The following NINL variants were observed in gnomAD, a reference collection of about 807,000 sequenced individuals.
NINL encodes the protein ninein like.
A neutral mutation model predicts 160.3 loss-of-function variants in NINL; 153 were observed. The observed-to-expected ratio is 0.95, with a 90% confidence interval of 0.84 to 1.09. NINL has a LOEUF of 1.09. NINL is among the 50% of genes least tolerant of loss of function. The pLI is 0.00. For missense variants in NINL, 1,829 were observed against 1,764.0 expected (o/e 1.04, Z -0.66); for synonymous variants, 800 against 734.8 (o/e 1.09, Z -1.43).
At chr20:25,460,355 G>A (rs535760123) in intron 21 of NINL, among the ~76,000 whole-genome samples, 11 of 152,310 alleles carry the variant, frequency 7.2e-5, no homozygotes, top group African/African-American at 9.6e-5. Context: ...TCACGAGGAA[G>A]AAGGGGTGAC....
intron 22 of NINL, among the ~76,000 whole-genome samples, chr20:25,456,547 C>CAA (rs1191383116): frequency 7.4e-6 from 1 of 134,322 alleles, no homozygotes; most frequent in African/African-American, 2.8e-5. Context: ...GACTCCGTCT[C>CAA]AAAAAAAAAA....
At chr20:25,489,842 C>A in intron 12 of NINL, 33 bp downstream of exon 12, 1 of 1,601,356 alleles carries the variant, frequency 6.2e-7, no homozygotes, top group Non-Finnish European at 8.6e-7. Context: ...AGGCCCTCCC[C>A]TCTGGAGGCA....
In NINL at chr20:25,455,670, C is replaced by T; in HGVS notation, c.3957+3G>A. 6.2e-7 allele frequency: 1 copy of T among 1,607,280 alleles called. No individual in the cohort carries two copies. Among genetic ancestry groups the T allele is most frequent in the South Asian group, 1.1e-5 (1 of 90,950 alleles). On this transcript the variant is annotated splice_donor_region_variant and intron_variant, in intron 23 of 23. Transcript: ENST00000278886. ...CACGAAAGCAGCAGCGCCCATCACT[C>T]ACCTGCTCCTTCAGCTTATCCACTT...
chr20:25,560,072 A>G (rs1189166242), intron 1 of NINL, among the ~76,000 whole-genome samples: 1 of 152,082 alleles, frequency 6.6e-6, no homozygotes, highest in Admixed American at 6.5e-5. Flanking sequence ...CAGACTCCCA[A>G]GTAGCTGGGA....
At chr20:25,485,998 T>C (rs1338071221) in intron 13 of NINL, among the ~76,000 whole-genome samples, 1 of 152,250 alleles carries the variant, frequency 6.6e-6, no homozygotes, top group Non-Finnish European at 1.5e-5. Context: ...GGTTTGCTGA[T>C]GTTTCCTTTG....
chr20:25,582,032 T>G (rs2147213145), intron 1 of NINL, among the ~76,000 whole-genome samples: 1 of 151,732 alleles, frequency 6.6e-6, no homozygotes, highest in African/African-American at 2.4e-5. Context: ...CCGAGCGGGG[T>G]GGATCACGAG....
At chr20:25,456,886 C>T (rs1325608625) in intron 22 of NINL, among the ~76,000 whole-genome samples, 1 of 150,290 alleles carries the variant, frequency 6.7e-6, no homozygotes, top group Non-Finnish European at 1.5e-5. Flanking sequence ...GAGCCGAGAT[C>T]GCACCATTGC....
intron 1 of NINL, among the ~76,000 whole-genome samples, chr20:25,553,602 TGTCACAA>T (rs1040091978): frequency 6.6e-6 from 1 of 152,222 alleles, no homozygotes. Context: ...CATGAACACG[TGTCACAA>T]GTAAAGCCCA....
At chr20:25,461,934 CA>C (rs1448794957) in intron 20 of NINL, among the ~76,000 whole-genome samples, 2 of 152,180 alleles carry the variant, frequency 1.3e-5, no homozygotes, top group African/African-American at 2.4e-5. Flanking sequence ...ACATGGTTTT[CA>C]GTGGCTGTGC....
intron 13 of NINL, among the ~76,000 whole-genome samples, chr20:25,484,294 A>C (rs2063463017): frequency 6.6e-6 from 1 of 152,200 alleles, no homozygotes; most frequent in Non-Finnish European, 1.5e-5. Context: ...ATCCTTCTGG[A>C]ATCTGGAGAC....
At chr20:25,578,610 G>A (rs963143537) in intron 1 of NINL, among the ~76,000 whole-genome samples, 24 of 151,500 alleles carry the variant, frequency 1.6e-4, no homozygotes, top group Non-Finnish European at 2.9e-4. Context: ...TGGCTAACAC[G>A]GTGAAACCCC....
Position 25,507,251 on chromosome 20 carries a change from A to AT in NINL, c.518-2174dup, listed in dbSNP as rs113187079. Among the ~76,000 whole-genome samples the AT allele has an allele frequency of 5.1e-3, 732 of 144,796 alleles. 3 individuals are homozygous for AT. Among genetic ancestry groups the AT allele is most frequent in the African/African-American group, 0.013 (524 of 39,652 alleles). 95.0% of individuals were successfully genotyped at this position (144,796 alleles called of 152,430 possible). ...AAGTCTAGTTTGCTGCAGCCTCAAC[A>AT]TTTTTTTTTTTTGCAGGTGGTGCTG... On this transcript the variant is annotated intron_variant, in intron 5 of 23. Coordinates refer to ENST00000278886, the MANE Select transcript of NINL (RefSeq NM_025176.6).
intron 7 of NINL, among the ~76,000 whole-genome samples, chr20:25,502,326 A>AC (rs1266121117): frequency 1.3e-5 from 2 of 152,076 alleles, no homozygotes; most frequent in Non-Finnish European, 2.9e-5. Flanking sequence ...AGGTGTACCT[A>AC]CCCCCAGTGC....
chr20:25,462,640 T>C, intron 19 of NINL, 99 bp from the exon 20 acceptor site: 1 of 1,059,728 alleles, frequency 9.4e-7, no homozygotes, highest in Non-Finnish European at 1.3e-6. Context: ...TATTAAGTAG[T>C]CATTTGTTTT....
chr20:25,466,437 T>C (rs1257946050), intron 19 of NINL, among the ~76,000 whole-genome samples: 1 of 152,242 alleles, frequency 6.6e-6, no homozygotes, highest in Non-Finnish European at 1.5e-5. Flanking sequence ...GCATTAATGT[T>C]GTGGATGTAT....
chr20:25,481,865 G>T, intron 14 of NINL, 103 bp downstream of exon 14: 1 of 1,485,086 alleles, frequency 6.7e-7, no homozygotes, highest in Non-Finnish European at 9.1e-7. Flanking sequence ...TCAGGTCACA[G>T]CAACATCATC....
Position 25,476,031 on chromosome 20 carries a change from T to C in NINL, c.3248+12A>G. 2 of 1,608,726 alleles carry C rather than the reference T, an allele frequency of 1.2e-6. No individual in the cohort carries two copies. The highest frequency in any genetic ancestry group is 1.3e-5 in the African/African-American group (1 of 74,702). On this transcript the variant is annotated intron_variant, in intron 17 of 23. Transcript: ENST00000278886. ...TGAAGTGTTTAGTTTTAAGAATGAG[T>C]AGAAGGCAAACCTGTCGTTCTCTCT...
At chr20:25,458,342 T>C in intron 22 of NINL, 41 bp downstream of exon 22, 2 of 1,601,690 alleles carry the variant, frequency 1.2e-6, no homozygotes, top group African/African-American at 2.7e-5. Flanking sequence ...CTCACCCTCC[T>C]CCTCATCTCG....
Position 25,496,706 on chromosome 20 carries a change from C to T in NINL, c.1267G>A (p.Asp423Asn), listed in dbSNP as rs192513078. ...AGCTGCTCCAGGGTGGAGTGGCAGT[C>T]GTCCATCTCTTTCACAAACTCCAGG... Reference protein sequence around the residue: ...RNLEFVKEMDDCHSTLEQLTE... With the variant: ...RNLEFVKEMDNCHSTLEQLTE... Residue 423 changes from aspartate to asparagine, a missense_variant, in exon 10 of 24, where the codon GAC becomes AAC. Physicochemically the swap from Asp to Asn is conservative, Grantham distance 23. Coordinates refer to ENST00000278886, the MANE Select transcript of NINL (RefSeq NM_025176.6). 1.5e-5 allele frequency: 25 copies of T among 1,614,080 alleles called. No homozygotes were observed. The East Asian group carries it at 4.5e-4, about 29-fold the overall frequency.
Sources: gnomAD v4.1 joint callset for allele counts (sites outside exome capture counted in the v4.1 genomes callset) on GRCh38, gnomAD v4.1.1 for gene constraint, MANE v1.5 for transcripts, NCBI Gene and HGNC (gene_info 2026-07-23, HGNC 2026-07-21) for gene names.